Variants in GPC6 observed in about 807,000 individuals in gnomAD.
GPC6 encodes glypican-6.
In GPC6, 14 loss-of-function variants were observed where a neutral mutation model predicts 55.2. That is an observed-to-expected ratio of 0.25 (90% CI 0.17 to 0.40). The LOEUF is 0.40. GPC6 is among the 10% of genes least tolerant of loss of function. The pLI, the probability that GPC6 is intolerant of heterozygous loss-of-function variation, is 1.00. For missense variants in GPC6, 641 were observed against 708.5 expected, an observed-to-expected ratio of 0.90 and a Z score of 1.08; for synonymous variants, 278 against 259.6, an observed-to-expected ratio of 1.07 and a Z score of -0.68.
intron 6 of GPC6, among the ~76,000 whole-genome samples, chr13:94,370,669 A>G (rs1879501366): frequency 6.6e-6 from 1 of 152,232 alleles, no homozygotes; most frequent in South Asian, 2.1e-4. Flanking sequence ...TTTAAAATAT[A>G]TGGTATGAGT....
intron 2 of GPC6, among the ~76,000 whole-genome samples, chr13:93,548,729 T>A (rs1874961548): frequency 6.6e-6 from 1 of 152,170 alleles, no homozygotes; most frequent in African/African-American, 2.4e-5. Context: ...TTCCTAAGTT[T>A]CTATGCTTAG....
chr13:94,324,334 A>G (rs1316611632), intron 6 of GPC6, among the ~76,000 whole-genome samples: 5 of 151,152 alleles, frequency 3.3e-5, no homozygotes, highest in Non-Finnish European at 7.4e-5. Context: ...AAAAAAACTC[A>G]AGCCAGACAA....
chr13:94,100,179 A>G (rs1885805304), intron 4 of GPC6, among the ~76,000 whole-genome samples: 2 of 152,232 alleles, frequency 1.3e-5, no homozygotes, highest in Admixed American at 1.3e-4. Context: ...ATCAGACTCA[A>G]ATAGGTTAAG....
At chr13:94,005,586 A>G (rs9589879) in intron 3 of GPC6, among the ~76,000 whole-genome samples, 3,813 of 152,282 alleles carry the variant, frequency 0.025, 175 homozygotes, top group African/African-American at 0.087. Flanking sequence ...CTTTAGTTGT[A>G]CAACTACTGA....
rs1468624248 is a variant in GPC6 at position 94,027,718 on chromosome 13, T to C, written c.712-11T>C. ...TTTTTGATTTTCTTTTTCTTTGCAA[T>C]AAATCTGCAGGTCAGCCCAACCCCA... On this transcript the variant is annotated splice_polypyrimidine_tract_variant and intron_variant, in intron 3 of 8. Coordinates refer to ENST00000377047, the MANE Select transcript of GPC6 (RefSeq NM_005708.5). The C allele has an allele frequency of 4.3e-6, 7 of 1,613,234 alleles. No individual in the cohort carries two copies. The highest frequency in any genetic ancestry group is 3.3e-5 in the Admixed American group (2 of 59,986).
chr13:94,123,328 T>A (rs1886700148), intron 4 of GPC6, among the ~76,000 whole-genome samples: 1 of 151,934 alleles, frequency 6.6e-6, no homozygotes, highest in South Asian at 2.1e-4. Flanking sequence ...AAGGAAAAAA[T>A]TAAGAAACCA....
At chr13:94,289,057 T>A (rs183100293) in intron 5 of GPC6, among the ~76,000 whole-genome samples, 1 of 150,302 alleles carries the variant, frequency 6.7e-6, no homozygotes, top group Non-Finnish European at 1.5e-5. Flanking sequence ...GTGACTGGGA[T>A]CCCAGCTGTG....
At chr13:94,221,275 T>C (rs988627626) in intron 4 of GPC6, among the ~76,000 whole-genome samples, 1 of 152,148 alleles carries the variant, frequency 6.6e-6, no homozygotes, top group African/African-American at 2.4e-5. Flanking sequence ...TAAAGATTGA[T>C]TCCTGAATAT....
At chr13:93,874,536 T>C (rs755929720) in intron 3 of GPC6, among the ~76,000 whole-genome samples, 13 of 150,962 alleles carry the variant, frequency 8.6e-5, no homozygotes, top group Non-Finnish European at 1.5e-4. Flanking sequence ...GTCATGACAC[T>C]GTATCCCAGG....
chr13:94,324,265 A>T (rs75723202), intron 6 of GPC6, among the ~76,000 whole-genome samples: 14,431 of 150,280 alleles, frequency 0.096, 2,299 homozygotes, highest in African/African-American at 0.33. Context: ...AGCAGCGTAC[A>T]TGCCTGTGGC....
At chr13:94,374,523 T>A in intron 6 of GPC6, among the ~76,000 whole-genome samples, 2 of 134,834 alleles carry the variant, frequency 1.5e-5, no homozygotes, top group African/African-American at 2.9e-5. Flanking sequence ...GTCCTAAATA[T>A]ATATGCACCC....
At position 94,320,560 on chromosome 13, in the gene GPC6, C is replaced by T. The variant is rs576994433; in HGVS notation, c.1152+14437C>T. On this transcript the variant is annotated intron_variant, in intron 6 of 8. Transcript: ENST00000377047. ...CCTAAGGATTTTCCCTTGGGAACCC[C>T]GGCTGTATGTGGTGGGTTAGTGATA... 7.9e-5 allele frequency among the ~76,000 whole-genome samples: 12 copies of T among 152,206 alleles called. 1 individual carries two copies. In the South Asian group the frequency reaches 1.7e-3, roughly 21 times the overall value.
intron 1 of GPC6, among the ~76,000 whole-genome samples, chr13:93,241,776 T>G (rs1434344695): frequency 1.3e-5 from 2 of 152,152 alleles, no homozygotes; most frequent in Non-Finnish European, 2.9e-5. Flanking sequence ...CCTTCTCATC[T>G]GGATAGAATT....
At chr13:93,260,935 A>G (rs1182761513) in intron 1 of GPC6, among the ~76,000 whole-genome samples, 1 of 152,150 alleles carries the variant, frequency 6.6e-6, no homozygotes, top group Non-Finnish European at 1.5e-5. Context: ...ATACTGAATT[A>G]TAAAATGTTA....
intron 1 of GPC6, among the ~76,000 whole-genome samples, chr13:93,402,064 A>G (rs996776578): frequency 6.6e-6 from 1 of 152,178 alleles, no homozygotes; most frequent in South Asian, 2.1e-4. Flanking sequence ...GTCCAGTGTC[A>G]TAGGACAAGT....
intron 2 of GPC6, among the ~76,000 whole-genome samples, chr13:93,694,237 G>T (rs7317134): frequency 0.79 from 120,708 of 152,076 alleles, 49,332 homozygotes; most frequent in Non-Finnish European, 0.91. Context: ...TTCTCTTTAT[G>T]TGCATAGACA....
At chr13:93,289,194 G>A (rs985630415) in intron 1 of GPC6, among the ~76,000 whole-genome samples, 12 of 152,088 alleles carry the variant, frequency 7.9e-5, no homozygotes, top group African/African-American at 2.2e-4. Flanking sequence ...ACACTGCAAC[G>A]TCTTTAATGC....
intron 2 of GPC6, among the ~76,000 whole-genome samples, chr13:93,725,573 C>T (rs888081281): frequency 2.6e-5 from 4 of 151,928 alleles, no homozygotes; most frequent in African/African-American, 7.2e-5. Context: ...TCAGAGGGCC[C>T]CCATGCCCGG....
At chr13:94,050,570 C>T (rs887679673) in intron 4 of GPC6, among the ~76,000 whole-genome samples, 3 of 152,156 alleles carry the variant, frequency 2.0e-5, no homozygotes, top group African/African-American at 7.2e-5. Flanking sequence ...CAAAAGCTAG[C>T]CTGCTAAGCA....
Sources: gnomAD v4.1 joint callset for allele counts (sites outside exome capture counted in the v4.1 genomes callset) on GRCh38, gnomAD v4.1.1 for gene constraint, MANE v1.5 for transcripts, NCBI Gene and HGNC (gene_info 2026-07-23, HGNC 2026-07-21) for gene names.